SMIM13: variants seen among roughly 807,000 people sequenced by gnomAD.
SMIM13 encodes UPF0766 protein C6orf228.
A neutral mutation model predicts 5.9 loss-of-function variants in SMIM13; 3 were observed. The observed-to-expected ratio is 0.51, with a 90% CI of 0.23 to 1.31. The LOEUF (loss-of-function observed/expected upper bound fraction) is 1.31, where lower values mean the gene tolerates loss of function less well. Ranked by LOEUF, SMIM13 falls within the 40% of genes most tolerant of loss-of-function variation. The pLI is 0.18. For synonymous variants in SMIM13, 55 were observed against 46.0 expected, an observed-to-expected ratio of 1.19 and a Z score of -0.79; for missense variants, 85 against 109.9, an observed-to-expected ratio of 0.77 and a Z score of 1.01.
At chr6:11,099,421 C>T (rs1386744993) in intron 1 of SMIM13, among the ~76,000 whole-genome samples, 1 of 152,178 alleles carries the variant, frequency 6.6e-6, no homozygotes, top group Non-Finnish European at 1.5e-5. Context: ...GATCCACCCG[C>T]CTCAGCCTCC....
chr6:11,103,406 C>T, intron 1 of SMIM13: 2 of 348,274 alleles, frequency 5.7e-6, no homozygotes, highest in Non-Finnish European at 1.0e-5. Flanking sequence ...GTGAGGGGGC[C>T]CTCCCCTGCC....
intron 1 of SMIM13, among the ~76,000 whole-genome samples, chr6:11,115,384 C>A (rs1758223838): frequency 6.6e-6 from 1 of 152,124 alleles, no homozygotes; most frequent in African/African-American, 2.4e-5. Context: ...GTTCCTCCTT[C>A]AAGCTTATGT....
chr6:11,101,835 G>A (rs1757997769), intron 1 of SMIM13, among the ~76,000 whole-genome samples: 1 of 151,754 alleles, frequency 6.6e-6, no homozygotes, highest in South Asian at 2.1e-4. Context: ...CCCCTCCTGG[G>A]TTCAAGTGAT....
At chr6:11,108,392 A>G (rs1310660339) in intron 1 of SMIM13, among the ~76,000 whole-genome samples, 2 of 152,320 alleles carry the variant, frequency 1.3e-5, no homozygotes, top group East Asian at 3.9e-4. Flanking sequence ...GGCCCCCTTC[A>G]GCTCAAGGAG....
chr6:11,102,578 CA>C (rs1581910565), intron 1 of SMIM13: 2 of 152,092 alleles, frequency 1.3e-5, no homozygotes, highest in East Asian at 3.9e-4. Flanking sequence ...TACAGAGGTA[CA>C]AGGGGGAAAA....
chr6:11,110,624 A>G (rs951339218), intron 1 of SMIM13, among the ~76,000 whole-genome samples: 4 of 152,208 alleles, frequency 2.6e-5, no homozygotes, highest in African/African-American at 7.2e-5. Context: ...CCAGGGTAAC[A>G]TGCAGAACAA....
At chr6:11,124,505 G>T (rs1758351290) in intron 1 of SMIM13, among the ~76,000 whole-genome samples, 1 of 152,054 alleles carries the variant, frequency 6.6e-6, no homozygotes, top group African/African-American at 2.4e-5. Context: ...TTTTAGGGGG[G>T]TAGGTGGGGA....
rs954500746 is a variant in SMIM13, at chr6:11,113,970, CTTTTTGTTT to C, written c.76+19587_76+19595del. On this transcript the variant is annotated intron_variant, in intron 1 of 1. Transcript: ENST00000416247. ...TTAAGGTATGACATATAAAGTTATT[CTTTTTGTTT>C]TTTTTTTTTAATTTTTTTGAGACGG... Among the ~76,000 whole-genome samples, 19 of 144,310 alleles carry C rather than the reference CTTTTTGTTT, an allele frequency of 1.3e-4. 1 individual carries two copies. The highest frequency in any genetic ancestry group is 2.3e-4 in the Non-Finnish European group (15 of 65,692). The allele number at this position is 144,310 out of a possible 152,430, so 94.7% of individuals were successfully genotyped here. A position where few individuals can be genotyped will look rare whatever the true frequency, so the allele number is the denominator to read the frequency against.
intron 1 of SMIM13, among the ~76,000 whole-genome samples, chr6:11,122,930 T>A (rs1029563332): frequency 6.6e-6 from 1 of 152,058 alleles, no homozygotes; most frequent in African/African-American, 2.4e-5. Flanking sequence ...CCATGTCAGC[T>A]GGGAGTGGCA....
chr6:11,109,494 G>A (rs76973921), intron 1 of SMIM13, among the ~76,000 whole-genome samples: 1,941 of 152,278 alleles, frequency 0.013, 29 homozygotes, highest in Non-Finnish European at 0.022. Flanking sequence ...CTGATGAGGG[G>A]CCTTCTGAAC....
intron 1 of SMIM13, among the ~76,000 whole-genome samples, chr6:11,099,282 C>CT (rs1472325274): frequency 6.6e-6 from 1 of 152,084 alleles, no homozygotes; most frequent in East Asian, 1.9e-4. Flanking sequence ...TCAAGGGATT[C>CT]TTCTGCTTCA....
In SMIM13 at chr6:11,113,811, AG is replaced by A. The variant is rs1291944151; in HGVS notation, c.76+19424del. Among the ~76,000 whole-genome samples the A allele has an allele frequency of 3.3e-5, 5 of 152,142 alleles. No homozygotes were observed. In the East Asian group the frequency reaches 9.7e-4, roughly 29 times the overall value. ...AGGCTGGTTTCGAACTCCTGATCTC[AG>A]GTGGTCCACCCATCTCGGCCTCCCA... is the stretch of plus-strand genomic sequence containing the variant. On this transcript the variant is annotated intron_variant, in intron 1 of 1. Coordinates refer to ENST00000416247, the MANE Select transcript of SMIM13 (RefSeq NM_001135575.2).
intron 1 of SMIM13, among the ~76,000 whole-genome samples, chr6:11,121,953 TA>T (rs1295628302): frequency 6.6e-6 from 1 of 152,226 alleles, no homozygotes; most frequent in Non-Finnish European, 1.5e-5. Context: ...ATTTTTGCAT[TA>T]AGCTGCCTTT....
chr6:11,129,077 GC>G (rs997738507), intron 1 of SMIM13, among the ~76,000 whole-genome samples: 15 of 122,112 alleles, frequency 1.2e-4, no homozygotes, highest in African/African-American at 3.6e-4. Context: ...GCTACCGGGA[GC>G]GGGGGGGGGA....
intron 1 of SMIM13, chr6:11,105,335 A>G (rs1176103462): frequency 1.9e-6 from 3 of 1,564,550 alleles, no homozygotes; most frequent in Non-Finnish European, 2.6e-6. Context: ...AACTGGTCAC[A>G]AAACGAGCTG....
intron 1 of SMIM13, among the ~76,000 whole-genome samples, chr6:11,114,565 G>A (rs1246209366): frequency 1.5e-5 from 1 of 65,578 alleles, no homozygotes; most frequent in African/African-American, 6.2e-5. Context: ...TGATTTTTCT[G>A]TATTGAGATG....
At chr6:11,117,559 T>G (rs900814983) in intron 1 of SMIM13, among the ~76,000 whole-genome samples, 3 of 152,148 alleles carry the variant, frequency 2.0e-5, no homozygotes, top group African/African-American at 7.2e-5. Context: ...CACTTGTGAT[T>G]TCTCCCTTGA....
At chr6:11,118,097 C>A (rs1758264928) in intron 1 of SMIM13, among the ~76,000 whole-genome samples, 1 of 152,242 alleles carries the variant, frequency 6.6e-6, no homozygotes, top group Non-Finnish European at 1.5e-5. Context: ...TCTCGAACTC[C>A]TGACCTCAGG....
chr6:11,112,157 A>G (rs1320927995), intron 1 of SMIM13, among the ~76,000 whole-genome samples: 12 of 152,120 alleles, frequency 7.9e-5, no homozygotes, highest in African/African-American at 2.9e-4. Flanking sequence ...GTCGCCTGAC[A>G]TTCCTGAGCT....
Sources: gnomAD v4.1 joint callset for allele counts (sites outside exome capture counted in the v4.1 genomes callset) on GRCh38, gnomAD v4.1.1 for gene constraint, MANE v1.5 for transcripts, NCBI Gene and HGNC (gene_info 2026-07-23, HGNC 2026-07-21) for gene names.